Variants in RBFOX1 observed in about 807,000 individuals in gnomAD.
The protein encoded by RBFOX1 is RNA binding fox-1 homolog 1.
In RBFOX1, 8 loss-of-function variants were observed where a neutral mutation model predicts 57.7. The ratio of observed to expected loss-of-function variants is 0.14; its 90% CI spans 0.08 to 0.25. RBFOX1 has a LOEUF of 0.25. Among genes scored for constraint, RBFOX1 ranks in the 10% least tolerant of loss-of-function variants. The pLI, the probability that RBFOX1 is intolerant of heterozygous loss-of-function variation, is 1.00. For missense variants in RBFOX1, 611 were observed against 548.5 expected, an observed-to-expected ratio of 1.11 and a Z score of -1.14; for synonymous variants, 326 against 222.4, an observed-to-expected ratio of 1.47 and a Z score of -4.15.
At chr16:7,686,714 G>A (rs1417908973) in intron 14 of RBFOX1, among the ~76,000 whole-genome samples, 2 of 152,096 alleles carry the variant, frequency 1.3e-5, no homozygotes, top group Non-Finnish European at 2.9e-5. Flanking sequence ...GGTCCAGACA[G>A]GTGAAATGAA....
At chr16:7,206,572 A>G (rs1041416606) in intron 4 of RBFOX1, among the ~76,000 whole-genome samples, 1 of 151,962 alleles carries the variant, frequency 6.6e-6, no homozygotes, top group Non-Finnish European at 1.5e-5. Context: ...TGCCAATCAT[A>G]TGGGTTAAGG....
At chr16:5,386,544 G>T (rs1297877261) in intron 1 of RBFOX1, among the ~76,000 whole-genome samples, 1 of 152,098 alleles carries the variant, frequency 6.6e-6, no homozygotes, top group Admixed American at 6.6e-5. Flanking sequence ...TTTGCATTCA[G>T]ACGTTAACTC....
intron 2 of RBFOX1, among the ~76,000 whole-genome samples, chr16:6,536,989 T>C (rs771631832): frequency 6.6e-6 from 1 of 152,224 alleles, no homozygotes; most frequent in Admixed American, 6.5e-5. Context: ...CTATCCATTG[T>C]CTTTTCTGGG....
chr16:7,220,158 G>A (rs748388191), intron 4 of RBFOX1, among the ~76,000 whole-genome samples: 5 of 152,062 alleles, frequency 3.3e-5, no homozygotes, highest in East Asian at 1.9e-4. Flanking sequence ...CCCCACTCCC[G>A]ACAACCATCA....
chr16:6,958,501 G>C (rs982231007), intron 3 of RBFOX1, among the ~76,000 whole-genome samples: 2 of 152,122 alleles, frequency 1.3e-5, no homozygotes, highest in Non-Finnish European at 2.9e-5. Flanking sequence ...TGATACAATG[G>C]TCTGTTGACT....
chr16:5,526,669 G>T (rs1033132050), intron 2 of RBFOX1, among the ~76,000 whole-genome samples: 1 of 152,150 alleles, frequency 6.6e-6, no homozygotes, highest in Non-Finnish European at 1.5e-5. Flanking sequence ...TGGCATCCCA[G>T]CCCAGGTCTG....
chr16:6,872,255 G>A (rs1603634913), intron 3 of RBFOX1, among the ~76,000 whole-genome samples: 1 of 152,176 alleles, frequency 6.6e-6, no homozygotes, highest in Non-Finnish European at 1.5e-5. Flanking sequence ...TTGTGTAAAT[G>A]AATAAAACAC....
intron 13 of RBFOX1, among the ~76,000 whole-genome samples, chr16:7,669,802 C>G (rs936694266): frequency 2.6e-5 from 4 of 152,098 alleles, no homozygotes; most frequent in Non-Finnish European, 5.9e-5. Flanking sequence ...ATAAAAACTC[C>G]TAGTCTTTCT....
intron 1 of RBFOX1, among the ~76,000 whole-genome samples, chr16:6,086,430 C>T (rs369458921): frequency 6.6e-6 from 1 of 152,172 alleles, no homozygotes; most frequent in Non-Finnish European, 1.5e-5. Context: ...GCAGAGCAGT[C>T]GGTGGTAAAG....
At chr16:5,826,858 A>T (rs2056074666) in intron 3 of RBFOX1, among the ~76,000 whole-genome samples, 3 of 152,176 alleles carry the variant, frequency 2.0e-5, no homozygotes, top group Admixed American at 2.0e-4. Flanking sequence ...CTGACTTGTG[A>T]AGGGATCCGT....
chr16:6,083,981 A>C (rs1018675562), intron 1 of RBFOX1, among the ~76,000 whole-genome samples: 1 of 152,212 alleles, frequency 6.6e-6, no homozygotes, highest in Non-Finnish European at 1.5e-5. Context: ...TTATTCAAAA[A>C]TGATGTCAAA....
At chr16:5,908,095 T>TATATATATATATATATACACACAC (rs1567133450) in intron 4 of RBFOX1, among the ~76,000 whole-genome samples, 2 of 139,886 alleles carry the variant, frequency 1.4e-5, no homozygotes, top group African/African-American at 6.0e-5. Flanking sequence ...TACACATATA[T>TATATATATATATATATACACACAC]ACACATATAT....
At chr16:7,689,090 AAAG>A (rs1274465273) in intron 14 of RBFOX1, among the ~76,000 whole-genome samples, 4 of 152,096 alleles carry the variant, frequency 2.6e-5, no homozygotes, top group East Asian at 3.9e-4. Context: ...ACGAGGATAA[AAAG>A]AAGGGTTATA....
At chr16:6,721,384 A>C (rs1024296029) in intron 3 of RBFOX1, among the ~76,000 whole-genome samples, 3 of 152,194 alleles carry the variant, frequency 2.0e-5, no homozygotes, top group African/African-American at 7.2e-5. Flanking sequence ...CGGAGGTTAC[A>C]GTGAGCCGAG....
chr16:6,177,749 G>C (rs1025511987), intron 1 of RBFOX1, among the ~76,000 whole-genome samples: 1 of 152,074 alleles, frequency 6.6e-6, no homozygotes, highest in Non-Finnish European at 1.5e-5. Flanking sequence ...TTACGAATGA[G>C]TACACCCAAG....
At chr16:7,674,852 G>A (rs1415297019) in intron 13 of RBFOX1, among the ~76,000 whole-genome samples, 4 of 152,190 alleles carry the variant, frequency 2.6e-5, no homozygotes, top group African/African-American at 7.2e-5. Context: ...TCCATTGACT[G>A]AAACTAAGGC....
chr16:7,119,628 G>T (rs2066671271), intron 4 of RBFOX1, among the ~76,000 whole-genome samples: 1 of 150,922 alleles, frequency 6.6e-6, no homozygotes, highest in African/African-American at 2.4e-5. Context: ...ATTATATAAG[G>T]ATAAGAGGGC....
chr16:7,337,949 C>G (rs1410722530), intron 4 of RBFOX1, among the ~76,000 whole-genome samples: 1 of 152,224 alleles, frequency 6.6e-6, no homozygotes, highest in Non-Finnish European at 1.5e-5. Context: ...TCCCAGAGTA[C>G]TGGGATTACA....
chr16:6,682,698 C>T (rs554310426), intron 3 of RBFOX1, among the ~76,000 whole-genome samples: 1 of 151,816 alleles, frequency 6.6e-6, no homozygotes, highest in Non-Finnish European at 1.5e-5. Flanking sequence ...CCCCGGCGCG[C>T]AAAATTGCCC....
Sources: allele counts gnomAD v4.1 joint callset (sites outside exome capture counted in the v4.1 genomes callset), GRCh38; gene constraint gnomAD v4.1.1; transcripts MANE v1.5; gene names NCBI Gene and HGNC (gene_info 2026-07-23, HGNC 2026-07-21).